Variants in ORAI2 observed in about 807,000 individuals in gnomAD.
ORAI2 encodes ORAI calcium release-activated calcium modulator 2.
A neutral mutation model predicts 16.2 loss-of-function variants in ORAI2; 10 were observed. The ratio of observed to expected loss-of-function variants is 0.62; its 90% CI spans 0.38 to 1.04. The LOEUF is 1.04. Ranked by LOEUF, ORAI2 falls within the 50% of genes least tolerant of loss-of-function variation. The pLI, the probability that ORAI2 is intolerant of heterozygous loss-of-function variation, is 0.01. For synonymous variants in ORAI2, 150 were observed against 157.5 expected, an observed-to-expected ratio of 0.95 and a Z score of 0.35; for missense variants, 238 against 355.5, an observed-to-expected ratio of 0.67 and a Z score of 2.66.
chr7:102,443,973 C>T (rs1029256454), intron 3 of ORAI2, among the ~76,000 whole-genome samples: 1 of 152,076 alleles, frequency 6.6e-6, no homozygotes, highest in Non-Finnish European at 1.5e-5. Context: ...TCCCAAAGTG[C>T]TGGGATTACA....
rs142175836 is a variant in ORAI2 at position 102,434,734 on chromosome 7, T to C, written c.-123+1073T>C. 7.6e-4 allele frequency: 117 copies of C among 152,996 alleles called. 4 individuals carry two copies. The East Asian group carries it at 0.017, about 23-fold the overall frequency. 9.5% of individuals were successfully genotyped at this position (152,996 alleles called of 1,614,324 possible). On this transcript the variant is annotated intron_variant, in intron 1 of 3. Transcript: ENST00000495936. ...CTCACCAATTTCTTCCATTCTCCTG[T>C]GGCTGGACGCCCAGTCATGCTGCCC...
In ORAI2 at chr7:102,438,931, C is replaced by A; in HGVS notation, c.-13-13C>A. On this transcript the variant is annotated splice_polypyrimidine_tract_variant and intron_variant, in intron 2 of 3. Coordinates refer to ENST00000495936, the MANE Select transcript of ORAI2 (RefSeq NM_001126340.3). The stretch of plus-strand genomic sequence containing the variant: ...ACCTAGGATGTCTGAGCATGTCTCT[C>A]TCCCACCCTTAGCCTGGCTCCCACC... 6.2e-7 allele frequency: 1 copy of A among 1,612,122 alleles called. No homozygotes were observed. The highest frequency in any genetic ancestry group is 8.5e-7 in the Non-Finnish European group (1 of 1,178,582).
intron 3 of ORAI2, among the ~76,000 whole-genome samples, chr7:102,442,806 A>G (rs1797240127): frequency 6.6e-6 from 1 of 151,724 alleles, no homozygotes; most frequent in Non-Finnish European, 1.5e-5. Context: ...GAGTGAGCCG[A>G]GAACATGCCA....
At chr7:102,435,536 CTTTTT>C (rs56680127) in intron 1 of ORAI2, among the ~76,000 whole-genome samples, 3 of 121,574 alleles carry the variant, frequency 2.5e-5, no homozygotes, top group Non-Finnish European at 3.5e-5. Flanking sequence ...GCCCCCCCCT[CTTTTT>C]TTTTTTTTTT....
intron 3 of ORAI2, among the ~76,000 whole-genome samples, chr7:102,441,800 A>G (rs1563635819): frequency 6.6e-6 from 1 of 151,960 alleles, no homozygotes; most frequent in Non-Finnish European, 1.5e-5. Context: ...GCCTTGGGGG[A>G]GCCGCAGTGC....
At chr7:102,438,861 T>C (rs971827957) in intron 2 of ORAI2, 83 bp from the exon 3 acceptor site, 36 of 1,334,474 alleles carry the variant, frequency 2.7e-5, no homozygotes, top group Non-Finnish European at 3.7e-5. Context: ...TGGCAGCCTC[T>C]GTAGGTTGAA....
At position 102,442,470 on chromosome 7, in the gene ORAI2, C is replaced by T. The variant is rs189933486; in HGVS notation, c.225+3289C>T. 2.3e-3 allele frequency among the ~76,000 whole-genome samples: 357 copies of T among 152,142 alleles called. 4 individuals are homozygous for T. Among genetic ancestry groups the T allele is most frequent in the Admixed American group, 0.021 (321 of 15,246 alleles). On this transcript the variant is annotated intron_variant, in intron 3 of 3. Coordinates refer to ENST00000495936, the MANE Select transcript of ORAI2 (RefSeq NM_001126340.3). ...TTGGGAGGCCGAGGCGGGCAGATCA[C>T]GAGGTCAGGAAATGGAGACCATCCT...
intron 3 of ORAI2, among the ~76,000 whole-genome samples, chr7:102,443,050 A>G (rs1797247978): frequency 6.6e-6 from 1 of 151,644 alleles, no homozygotes; most frequent in Non-Finnish European, 1.5e-5. Context: ...TTTAAATTTA[A>G]AAAATGCTGC....
chr7:102,435,639 A>AT (rs752472061), intron 1 of ORAI2, among the ~76,000 whole-genome samples: 139 of 129,544 alleles, frequency 1.1e-3, no homozygotes, highest in African/African-American at 2.2e-3. Flanking sequence ...ACACCCAGCT[A>AT]TTTTTTTTTT....
chr7:102,443,958 C>T (rs899925228), intron 3 of ORAI2, among the ~76,000 whole-genome samples: 2 of 152,008 alleles, frequency 1.3e-5, no homozygotes, highest in Non-Finnish European at 2.9e-5. Context: ...CCGCCCACCT[C>T]GGCCTCCCAA....
rs1320694719 is a variant in ORAI2 at position 102,447,089 on chromosome 7, C to T, written c.*37C>T. 1.2e-5 allele frequency: 18 copies of T among 1,482,600 alleles called. No homozygotes were observed. Among genetic ancestry groups the T allele is most frequent in the East Asian group, 2.5e-5 (1 of 40,502 alleles). 91.8% of individuals were successfully genotyped at this position (1,482,600 alleles called of 1,614,324 possible). On this transcript the variant is annotated 3_prime_UTR_variant, in exon 4 of 4. Transcript: ENST00000495936. ...CCGGGGCTGGGAGCGGCCCTGTGCC[C>T]GGGAGTCCGCAGAGGCGGGGATTTG...
At chr7:102,443,341 C>T (rs1160096410) in intron 3 of ORAI2, among the ~76,000 whole-genome samples, 50 of 148,430 alleles carry the variant, frequency 3.4e-4, no homozygotes, top group African/African-American at 1.1e-3. Context: ...TGCAGTGGCG[C>T]GATCTCGGCT....
chr7:102,447,276 C>A lies in ORAI2; in HGVS notation c.*224C>A. The A allele has an allele frequency of 1.7e-6, 1 of 581,800 alleles. No homozygotes were observed. Among genetic ancestry groups the A allele is most frequent in the African/African-American group, 1.9e-5 (1 of 53,266 alleles). The allele number at this position is 581,800 out of a possible 1,614,324, so 36.0% of individuals were successfully genotyped here. A position where few individuals can be genotyped will look rare whatever the true frequency, so the allele number is the denominator to read the frequency against. ...GTTGGGGGCAAAGCCAGGCTGGTTC[C>A]TTGGCCTCGGGGTTTCCTGGGTCGG... On this transcript the variant is annotated 3_prime_UTR_variant, in exon 4 of 4. Transcript: ENST00000495936.
chr7:102,444,800 G>A (rs1013295967), intron 3 of ORAI2, among the ~76,000 whole-genome samples: 3 of 151,562 alleles, frequency 2.0e-5, no homozygotes, highest in African/African-American at 7.3e-5. Flanking sequence ...TGAGTAGCTG[G>A]GATTACAGAT....
chr7:102,441,239 T>A (rs1797189650), intron 3 of ORAI2, among the ~76,000 whole-genome samples: 1 of 151,106 alleles, frequency 6.6e-6, no homozygotes, highest in Non-Finnish European at 1.5e-5. Context: ...AGATTGATGG[T>A]GCAATTTAAA....
At chr7:102,443,738 G>C (rs1436979400) in intron 3 of ORAI2, among the ~76,000 whole-genome samples, 1 of 151,168 alleles carries the variant, frequency 6.6e-6, no homozygotes, top group Non-Finnish European at 1.5e-5. Flanking sequence ...ATGTAGTCTC[G>C]CTCTGTCTCC....
intron 2 of ORAI2, among the ~76,000 whole-genome samples, chr7:102,436,609 G>T (rs1188263917): frequency 6.6e-6 from 1 of 152,148 alleles, no homozygotes; most frequent in Non-Finnish European, 1.5e-5. Context: ...ACGCTCCCTG[G>T]GACCTAGAAA....
chr7:102,445,871 TTTTC>T (rs1563638082), intron 3 of ORAI2, among the ~76,000 whole-genome samples: 1 of 151,274 alleles, frequency 6.6e-6, no homozygotes, highest in African/African-American at 2.4e-5. Context: ...TTTCTTTTTC[TTTTC>T]TTTCTCTCTC....
At position 102,447,290 on chromosome 7, in the gene ORAI2, T is replaced by A; in HGVS notation, c.*238T>A. The A allele has an allele frequency of 1.8e-6, 1 of 541,132 alleles. No individual in the cohort carries two copies. The highest frequency in any genetic ancestry group is 3.2e-6 in the Non-Finnish European group (1 of 310,876). 33.5% of individuals were successfully genotyped at this position (541,132 alleles called of 1,614,324 possible). A position where few individuals can be genotyped will look rare whatever the true frequency, so the allele number is the denominator to read the frequency against. On this transcript the variant is annotated 3_prime_UTR_variant, in exon 4 of 4. Transcript: ENST00000495936. The stretch of plus-strand genomic sequence containing the variant: ...CAGGCTGGTTCCTTGGCCTCGGGGT[T>A]TCCTGGGTCGGGGACACGGTGAAGA...
Sources: gnomAD v4.1 joint callset for allele counts (sites outside exome capture counted in the v4.1 genomes callset) on GRCh38, gnomAD v4.1.1 for gene constraint, MANE v1.5 for transcripts, NCBI Gene and HGNC (gene_info 2026-07-23, HGNC 2026-07-21) for gene names.